The following UNC13C variants were observed in gnomAD, a reference collection of about 807,000 sequenced individuals.
UNC13C encodes unc-13 homolog C, also known as protein unc-13 homolog C.
Under a neutral mutation model 245.4 loss-of-function variants are expected in UNC13C, and 174 were observed. The observed-to-expected ratio is 0.71, with a 90% CI of 0.63 to 0.80. The LOEUF is 0.80. Ranked by LOEUF, UNC13C falls within the 30% of genes least tolerant of loss-of-function variation. UNC13C has a pLI of 0.00. For missense variants in UNC13C, 2,829 were observed against 2,602.9 expected, an observed-to-expected ratio of 1.09 and a Z score of -1.89; for synonymous variants, 992 against 895.1, an observed-to-expected ratio of 1.11 and a Z score of -1.93.
At chr15:54,051,840 C>T (rs1202098511) in intron 2 of UNC13C, among the ~76,000 whole-genome samples, 4 of 147,416 alleles carry the variant, frequency 2.7e-5, no homozygotes, top group Non-Finnish European at 6.0e-5. Flanking sequence ...ATACATGTGC[C>T]ATGCTGGTGC....
chr15:54,479,136 G>A lies in UNC13C; in HGVS notation c.4934-15472G>A, dbSNP rs191117466. Among the ~76,000 whole-genome samples the A allele has an allele frequency of 1.4e-3, 213 of 152,152 alleles. 1 individual carries two copies. The highest frequency in any genetic ancestry group is 5.0e-3 in the African/African-American group (207 of 41,524). ...TCCTTGAATATATATGCTGTCCAGT[G>A]CTTCAAGTGCTCTGCAGTGCTTCAA... On this transcript the variant is annotated intron_variant, in intron 19 of 32. Coordinates refer to ENST00000260323, the MANE Select transcript of UNC13C (RefSeq NM_001080534.3).
chr15:53,901,236 T>A, the UNC13C span, among the ~76,000 whole-genome samples: 1 of 141,820 alleles, frequency 7.1e-6, no homozygotes, highest in African/African-American at 2.5e-5. Flanking sequence ...TTTTTTTTTT[T>A]TGAGATGCAG....
intron 4 of UNC13C, among the ~76,000 whole-genome samples, chr15:54,218,262 C>G (rs1403212978): frequency 6.6e-6 from 1 of 151,966 alleles, no homozygotes; most frequent in African/African-American, 2.4e-5. Context: ...GGAAAACAGA[C>G]ATAATTTTCT....
the UNC13C span, among the ~76,000 whole-genome samples, chr15:53,947,186 A>G: frequency 6.6e-6 from 1 of 152,204 alleles, no homozygotes; most frequent in Admixed American, 6.5e-5. Context: ...TGTTCTGATG[A>G]GTTCCAAAAT....
chr15:54,035,983 C>T (rs1048468321), intron 2 of UNC13C, among the ~76,000 whole-genome samples: 36 of 152,216 alleles, frequency 2.4e-4, no homozygotes, highest in African/African-American at 8.4e-4. Context: ...ATTTTGTAGT[C>T]TTCCCATCTA....
At chr15:53,907,323 T>C in the UNC13C span, among the ~76,000 whole-genome samples, 6 of 152,206 alleles carry the variant, frequency 3.9e-5, no homozygotes, top group African/African-American at 1.4e-4. Context: ...TTTTCTTTGA[T>C]GGTTGATGTA....
intron 2 of UNC13C, among the ~76,000 whole-genome samples, chr15:54,128,843 C>T (rs577200199): frequency 1.3e-5 from 2 of 152,270 alleles, no homozygotes; most frequent in East Asian, 1.9e-4. Flanking sequence ...ATTGCTGCTT[C>T]CCATCACTGA....
At chr15:53,840,456 G>T in the UNC13C span, among the ~76,000 whole-genome samples, 1 of 151,972 alleles carries the variant, frequency 6.6e-6, no homozygotes. Context: ...CAAAACTAGA[G>T]TCATAATAGG....
At chr15:54,105,752 T>G (rs1229245416) in intron 2 of UNC13C, among the ~76,000 whole-genome samples, 1 of 152,166 alleles carries the variant, frequency 6.6e-6, no homozygotes, top group Non-Finnish European at 1.5e-5. Context: ...AATAGAAGAA[T>G]GTGAAAGTGA....
intron 13 of UNC13C, among the ~76,000 whole-genome samples, chr15:54,319,682 G>T (rs982517538): frequency 1.4e-5 from 2 of 145,820 alleles, no homozygotes; most frequent in African/African-American, 5.2e-5. Flanking sequence ...TGCCACTCAG[G>T]GCAGCTATTT....
chr15:54,230,583 A>G (rs1377691880), intron 4 of UNC13C, among the ~76,000 whole-genome samples: 2 of 152,198 alleles, frequency 1.3e-5, no homozygotes, highest in African/African-American at 4.8e-5. Context: ...CATTTATTTT[A>G]TAACAAGACA....
intron 18 of UNC13C, among the ~76,000 whole-genome samples, chr15:54,414,013 C>A (rs760226042): frequency 2.0e-5 from 3 of 152,052 alleles, no homozygotes; most frequent in Non-Finnish European, 4.4e-5. Flanking sequence ...TATTAAGAGC[C>A]TTATCATGAG....
chr15:54,524,802 G>C (rs1052144802), intron 24 of UNC13C, among the ~76,000 whole-genome samples: 3 of 152,156 alleles, frequency 2.0e-5, no homozygotes, highest in Non-Finnish European at 2.9e-5. Flanking sequence ...TAGTAGATCA[G>C]CTTGGGCAAG....
the UNC13C span, among the ~76,000 whole-genome samples, chr15:53,917,707 A>G: frequency 3.3e-5 from 5 of 152,286 alleles, no homozygotes; most frequent in East Asian, 9.7e-4. Flanking sequence ...TATCTGTCAT[A>G]CTTTCCCTAG....
the UNC13C span, among the ~76,000 whole-genome samples, chr15:53,848,394 G>A: frequency 6.6e-6 from 1 of 152,036 alleles, no homozygotes; most frequent in African/African-American, 2.4e-5. Context: ...ATTGAGATGT[G>A]TGTTATTTAA....
At chr15:54,405,363 A>C (rs754994970) in intron 18 of UNC13C, among the ~76,000 whole-genome samples, 1 of 152,154 alleles carries the variant, frequency 6.6e-6, no homozygotes, top group Non-Finnish European at 1.5e-5. Flanking sequence ...ATGGACAAAA[A>C]TGTGTTAAAT....
the UNC13C span, among the ~76,000 whole-genome samples, chr15:53,905,521 A>C: frequency 6.6e-6 from 1 of 152,248 alleles, no homozygotes; most frequent in Non-Finnish European, 1.5e-5. Flanking sequence ...AGCCAGGCAA[A>C]GAAAGACAAA....
chr15:54,120,775 C>T (rs1282581693), intron 2 of UNC13C, among the ~76,000 whole-genome samples: 1 of 151,512 alleles, frequency 6.6e-6, no homozygotes, highest in Non-Finnish European at 1.5e-5. Flanking sequence ...TGATTCCAAC[C>T]CTCATGGATG....
chr15:54,170,588 T>G lies in UNC13C; in HGVS notation c.3071+26904T>G, dbSNP rs796584105. Among the ~76,000 whole-genome samples the G allele has an allele frequency of 2.0e-5, 3 of 152,296 alleles. No homozygotes were observed. In the South Asian group the frequency reaches 6.2e-4, roughly 32 times the overall value. On this transcript the variant is annotated intron_variant, in intron 4 of 32. Transcript: ENST00000260323. ...CCTTTTTTTTCCTTAAAATATCTTA[T>G]TTTTCTGAGGAAGAGACAGCCATTT... is the stretch of plus-strand genomic sequence containing the variant.
Sources: allele counts gnomAD v4.1 joint callset (sites outside exome capture counted in the v4.1 genomes callset), GRCh38; gene constraint gnomAD v4.1.1; transcripts MANE v1.5; gene names NCBI Gene and HGNC (gene_info 2026-07-23, HGNC 2026-07-21).